SMC6: variants seen among roughly 807,000 people sequenced by gnomAD.
The protein encoded by SMC6 is structural maintenance of chromosomes protein 6.
A neutral mutation model predicts 142.2 loss-of-function variants in SMC6; 79 were observed. The ratio of observed to expected loss-of-function variants is 0.56; its 90% CI spans 0.46 to 0.67. The LOEUF (loss-of-function observed/expected upper bound fraction) is 0.67, where lower values mean the gene tolerates loss of function less well. Among genes scored for constraint, SMC6 ranks in the 30% least tolerant of loss-of-function variants. The pLI is 0.00. For synonymous variants in SMC6, 411 were observed against 412.4 expected (o/e 1.00, Z 0.04); for missense variants, 1,072 against 1,284.0 (o/e 0.83, Z 2.52).
At chr2:17,690,512 T>C (rs1044982763) in intron 23 of SMC6, among the ~76,000 whole-genome samples, 1 of 152,044 alleles carries the variant, frequency 6.6e-6, no homozygotes, top group Non-Finnish European at 1.5e-5. Context: ...GATAATTGCT[T>C]GAACCCAGGA....
intron 2 of SMC6, among the ~76,000 whole-genome samples, chr2:17,749,045 C>A (rs1670890971): frequency 6.6e-6 from 1 of 152,114 alleles, no homozygotes; most frequent in South Asian, 2.1e-4. Context: ...ACTGAAGGAT[C>A]CTACCTTTTA....
chr2:17,691,941 A>T (rs1667753174), intron 23 of SMC6, among the ~76,000 whole-genome samples: 1 of 152,214 alleles, frequency 6.6e-6, no homozygotes, highest in South Asian at 2.1e-4. Context: ...ATCATGAGTG[A>T]ACTCCCATTC....
chr2:17,711,819 A>T (rs1054437993), intron 16 of SMC6, among the ~76,000 whole-genome samples: 1 of 152,122 alleles, frequency 6.6e-6, no homozygotes, highest in Non-Finnish European at 1.5e-5. Flanking sequence ...GCGTTTCACC[A>T]CATTACCCAG....
chr2:17,753,025 T>C lies in SMC6; in HGVS notation c.-53A>G. 6 of 985,170 alleles carry C rather than the reference T, an allele frequency of 6.1e-6. No individual in the cohort carries two copies. The highest frequency in any genetic ancestry group is 7.2e-6 in the Non-Finnish European group (6 of 829,678). The allele number at this position is 985,170 out of a possible 1,614,324, so 61.0% of individuals were successfully genotyped here. On this transcript the variant is annotated 5_prime_UTR_variant, in exon 2 of 28. Transcript: ENST00000448223. Reference sequence around the variant, plus strand: ...ACCTTTCTCTACCCTAGAGTCCTGTTTTCCGCAATTCCCAATTGGGATTCT... The same window carrying C: ...ACCTTTCTCTACCCTAGAGTCCTGTCTTCCGCAATTCCCAATTGGGATTCT...
At chr2:17,728,468 G>C (rs922402518) in intron 7 of SMC6, among the ~76,000 whole-genome samples, 1 of 152,052 alleles carries the variant, frequency 6.6e-6, no homozygotes, top group Admixed American at 6.5e-5. Context: ...GGCCAAGGCC[G>C]AGGTGTGAGG....
intron 21 of SMC6, among the ~76,000 whole-genome samples, chr2:17,699,525 T>C (rs1472180599): frequency 1.3e-5 from 2 of 152,164 alleles, no homozygotes; most frequent in African/African-American, 4.8e-5. Context: ...CTTTTTTAAG[T>C]ACTTTTTCAG....
Position 17,718,219 on chromosome 2 carries a change from C to T in SMC6, c.950G>A (p.Arg317Lys). ...GTACTTTTGTTCTGCCTCATTAAGTCTGACCTTTAAGAAAATAACATTATT... is the reference window on the plus strand; with the variant it reads ...GTACTTTTGTTCTGCCTCATTAAGTTTGACCTTTAAGAAAATAACATTATT... ...LDRKMEEQQV[R>K]LNEAEQKYKD... The change falls in exon 12 of 28, where the codon AGA (arginine) becomes AAA (lysine). Residue 317 changes from arginine (R) to lysine (K), a missense_variant. Arg to Lys is a conservative substitution (Grantham distance 26). Coordinates refer to ENST00000448223, the MANE Select transcript of SMC6 (RefSeq NM_001142286.2). 6.3e-7 allele frequency: 1 copy of T among 1,582,944 alleles called. No homozygotes were observed. The highest frequency in any genetic ancestry group is 2.3e-5 in the East Asian group (1 of 44,124).
At chr2:17,729,968 G>C (rs1224184512) in intron 7 of SMC6, among the ~76,000 whole-genome samples, 1 of 152,124 alleles carries the variant, frequency 6.6e-6, no homozygotes, top group Admixed American at 6.5e-5. Context: ...CTGGAAAAGA[G>C]ACCCAGACCC....
intron 25 of SMC6, among the ~76,000 whole-genome samples, chr2:17,676,940 T>C (rs1667017241): frequency 6.6e-6 from 1 of 152,172 alleles, no homozygotes; most frequent in Non-Finnish European, 1.5e-5. Context: ...CTAGTAGCTC[T>C]TTTTGTAGAT....
chr2:17,727,184 C>T (rs565483288), intron 7 of SMC6, among the ~76,000 whole-genome samples: 2 of 152,126 alleles, frequency 1.3e-5, no homozygotes, highest in Non-Finnish European at 2.9e-5. Context: ...TGGGTGTGTT[C>T]CCGAGGGTAT....
chr2:17,706,990 G>A (rs998530234), intron 18 of SMC6, among the ~76,000 whole-genome samples: 2 of 152,182 alleles, frequency 1.3e-5, no homozygotes, highest in Non-Finnish European at 2.9e-5. Flanking sequence ...TGATCCAGTT[G>A]AGGGAATACG....
chr2:17,721,593 T>C (rs1489122974), intron 9 of SMC6, among the ~76,000 whole-genome samples: 1 of 152,128 alleles, frequency 6.6e-6, no homozygotes, highest in African/African-American at 2.4e-5. Flanking sequence ...GACATGATGG[T>C]CTGTTCCTCA....
chr2:17,731,614 GTA>G (rs1459655001), intron 6 of SMC6, 125 bp downstream of exon 6: 687 of 765,454 alleles, frequency 9.0e-4, no homozygotes, highest in Middle Eastern at 2.0e-3. Flanking sequence ...GTGTGTGTGT[GTA>G]TATATATATG....
At position 17,692,059 on chromosome 2, in the gene SMC6, T is replaced by C. The variant is rs558808812; in HGVS notation, c.2678+3093A>G. Among the ~76,000 whole-genome samples the C allele has an allele frequency of 3.3e-3, 509 of 152,222 alleles. 3 individuals are homozygous for C. The highest frequency in any genetic ancestry group is 0.012 in the African/African-American group (487 of 41,530). On this transcript the variant is annotated intron_variant, in intron 23 of 27. Coordinates refer to ENST00000448223, the MANE Select transcript of SMC6 (RefSeq NM_001142286.2). Reference sequence around the variant, plus strand: ...CACTGCTCAATGAAATAAAAGAGGATACAAACAAATAGAAGAACATTCCAT... The same window carrying C: ...CACTGCTCAATGAAATAAAAGAGGACACAAACAAATAGAAGAACATTCCAT...
Position 17,701,095 on chromosome 2 carries a change from G to A in SMC6, c.2224-717C>T, listed in dbSNP as rs551972858. On this transcript the variant is annotated intron_variant, in intron 20 of 27. Transcript: ENST00000448223. ...ACAAAAATTTAGTCTATCAAAAAAA[G>A]GAATTAAAGCAGAAAAATAAAAAGC... 5.0e-4 allele frequency among the ~76,000 whole-genome samples: 76 copies of A among 150,558 alleles called. 2 individuals carry two copies. In the East Asian group the frequency reaches 0.014, roughly 28 times the overall value.
At chr2:17,692,110 C>T (rs1051458233) in intron 23 of SMC6, among the ~76,000 whole-genome samples, 2 of 152,128 alleles carry the variant, frequency 1.3e-5, no homozygotes, top group Non-Finnish European at 2.9e-5. Context: ...GAATCAATAT[C>T]GTGAAAATGG....
chr2:17,731,613 T>C, intron 6 of SMC6, 128 bp downstream of exon 6: 2 of 832,104 alleles, frequency 2.4e-6, no homozygotes, highest in South Asian at 1.8e-5. Context: ...TGTGTGTGTG[T>C]GTATATATAT....
intron 5 of SMC6, among the ~76,000 whole-genome samples, chr2:17,736,733 G>A (rs1448958565): frequency 6.6e-6 from 1 of 151,636 alleles, no homozygotes; most frequent in Admixed American, 6.6e-5. Context: ...AATTAGCCAG[G>A]CGTTGTGGCA....
chr2:17,677,673 AC>A (rs1250716716), intron 25 of SMC6, among the ~76,000 whole-genome samples: 1 of 152,202 alleles, frequency 6.6e-6, no homozygotes, highest in Non-Finnish European at 1.5e-5. Flanking sequence ...ACAATAGACT[AC>A]CATGACATAC....
Sources: allele counts gnomAD v4.1 joint callset (sites outside exome capture counted in the v4.1 genomes callset), GRCh38; gene constraint gnomAD v4.1.1; transcripts MANE v1.5; gene names NCBI Gene and HGNC (gene_info 2026-07-23, HGNC 2026-07-21).